NRXN3: variants seen among roughly 807,000 people sequenced by gnomAD.
NRXN3 encodes neurexin 3.
Under a neutral mutation model 137.6 loss-of-function variants are expected in NRXN3, and 32 were observed. The ratio of observed to expected loss-of-function variants is 0.23; its 90% CI spans 0.18 to 0.31. The LOEUF is 0.31. Among genes scored for constraint, NRXN3 ranks in the 10% least tolerant of loss-of-function variants. NRXN3 has a pLI of 1.00. For missense variants in NRXN3, 1,574 were observed against 2,062.5 expected (o/e 0.76, Z 4.59); for synonymous variants, 798 against 784.5 (o/e 1.02, Z -0.29).
At chr14:78,998,039 G>A (rs1239003827) in intron 15 of NRXN3, among the ~76,000 whole-genome samples, 1 of 152,156 alleles carries the variant, frequency 6.6e-6, no homozygotes, top group African/African-American at 2.4e-5. Flanking sequence ...CCTGCTCCAT[G>A]ATGCAGAAAT....
At chr14:78,958,870 A>C (rs1196833893) in intron 11 of NRXN3, among the ~76,000 whole-genome samples, 1 of 152,204 alleles carries the variant, frequency 6.6e-6, no homozygotes, top group Non-Finnish European at 1.5e-5. Flanking sequence ...CAGTGGCCTA[A>C]GCCATCTCCA....
rs896101558 is a variant in NRXN3 at position 79,160,819 on chromosome 14, G to A, written c.3262+172678G>A. On this transcript the variant is annotated intron_variant, in intron 15 of 20. Coordinates refer to ENST00000335750, the MANE Select transcript of NRXN3 (RefSeq NM_001330195.2). ...GGTAGGCTGTTGCCTCATAAGGAGGGAAGGCAGAAGCAAGTAGACAGTGGT... is the reference window on the plus strand; with the variant it reads ...GGTAGGCTGTTGCCTCATAAGGAGGAAAGGCAGAAGCAAGTAGACAGTGGT... Among the ~76,000 whole-genome samples, 26 of 151,996 alleles carry A rather than the reference G, an allele frequency of 1.7e-4. 1 individual carries two copies. The highest frequency in any genetic ancestry group is 9.7e-5 in the African/African-American group (4 of 41,426).
At chr14:79,620,852 T>G (rs2098216256) in intron 16 of NRXN3, among the ~76,000 whole-genome samples, 1 of 151,998 alleles carries the variant, frequency 6.6e-6, no homozygotes, top group Non-Finnish European at 1.5e-5. Context: ...GGAGAATGGA[T>G]GAGACCTGAA....
chr14:79,867,520 C>G lies in NRXN3; in HGVS notation c.*5556C>G, dbSNP rs2099418528. Reference sequence around the variant, plus strand: ...TTTTCTTGCTCTTCTTATAAGACCACCAGTGCTATTGGTTAAAGCCCTGCC... The same window carrying G: ...TTTTCTTGCTCTTCTTATAAGACCAGCAGTGCTATTGGTTAAAGCCCTGCC... On this transcript the variant is annotated 3_prime_UTR_variant, in exon 21 of 21. Transcript: ENST00000335750. 6.6e-6 allele frequency: 1 copy of G among 152,156 alleles called. No individual in the cohort carries two copies. The highest frequency in any genetic ancestry group is 2.4e-5 in the African/African-American group (1 of 41,418). 9.4% of individuals were successfully genotyped at this position (152,156 alleles called of 1,614,324 possible). A position where few individuals can be genotyped will look rare whatever the true frequency, so the allele number is the denominator to read the frequency against.
intron 16 of NRXN3, among the ~76,000 whole-genome samples, chr14:79,500,817 G>A (rs1441089656): frequency 6.6e-6 from 1 of 152,142 alleles, no homozygotes; most frequent in Non-Finnish European, 1.5e-5. Context: ...TACACCATCT[G>A]TGAACTTCAG....
chr14:79,672,477 T>A (rs1351206951), intron 17 of NRXN3, among the ~76,000 whole-genome samples: 1 of 152,080 alleles, frequency 6.6e-6, no homozygotes, highest in Non-Finnish European at 1.5e-5. Flanking sequence ...TTTAAAATTA[T>A]ACTTATCTGA....
At chr14:79,064,707 TATTTTTCATAATTACCC>T (rs1327807338) in intron 15 of NRXN3, among the ~76,000 whole-genome samples, 13 of 122,550 alleles carry the variant, frequency 1.1e-4, no homozygotes, top group South Asian at 5.4e-4. Flanking sequence ...TACCCATATA[TATTTTTCATAATTACCC>T]ATATATATGT....
chr14:78,680,153 C>A (rs1223909544), intron 6 of NRXN3, among the ~76,000 whole-genome samples: 1 of 152,030 alleles, frequency 6.6e-6, no homozygotes. Context: ...ACTGCATATT[C>A]TTATTTATAA....
intron 17 of NRXN3, chr14:79,669,315 C>T (rs1454349081): frequency 6.6e-6 from 1 of 152,104 alleles, no homozygotes; most frequent in Non-Finnish European, 1.5e-5. Flanking sequence ...GAAAGCCTCA[C>T]TTAATGAATG....
chr14:78,690,219 A>G (rs1458367554), intron 6 of NRXN3, among the ~76,000 whole-genome samples: 7 of 152,142 alleles, frequency 4.6e-5, no homozygotes, highest in Admixed American at 2.0e-4. Flanking sequence ...CTCTCCTCCA[A>G]CCTTCTCCCA....
chr14:79,843,113 A>G (rs1429549047), intron 20 of NRXN3, among the ~76,000 whole-genome samples: 1 of 152,126 alleles, frequency 6.6e-6, no homozygotes, highest in Non-Finnish European at 1.5e-5. Flanking sequence ...TAATGTGTCC[A>G]TCCCTTGACA....
chr14:79,488,994 G>C lies in NRXN3; in HGVS notation c.3444+21592G>C, dbSNP rs112672234. Reference sequence around the variant, plus strand: ...ATACCTTACCCATCAGTACTTTAGGGTTATAATCTATATCTTGCAGGCATG... The same window carrying C: ...ATACCTTACCCATCAGTACTTTAGGCTTATAATCTATATCTTGCAGGCATG... On this transcript the variant is annotated intron_variant, in intron 16 of 20. Coordinates refer to ENST00000335750, the MANE Select transcript of NRXN3 (RefSeq NM_001330195.2). 3.3e-5 allele frequency among the ~76,000 whole-genome samples: 5 copies of C among 152,098 alleles called. 1 individual carries two copies. The highest frequency in any genetic ancestry group is 1.2e-4 in the African/African-American group (5 of 41,478).
At chr14:78,320,625 T>C (rs527496649) in intron 4 of NRXN3, among the ~76,000 whole-genome samples, 62 of 152,306 alleles carry the variant, frequency 4.1e-4, no homozygotes, top group African/African-American at 1.5e-3. Flanking sequence ...TCCCAGTAGA[T>C]CTGACGGGAG....
intron 15 of NRXN3, among the ~76,000 whole-genome samples, chr14:79,044,978 G>A (rs2152547304): frequency 6.6e-6 from 1 of 152,056 alleles, no homozygotes; most frequent in Non-Finnish European, 1.5e-5. Flanking sequence ...GGTGTCTTTT[G>A]ATTTTATGGT....
chr14:79,421,922 C>G (rs980661872), intron 15 of NRXN3, among the ~76,000 whole-genome samples: 3 of 152,170 alleles, frequency 2.0e-5, no homozygotes, highest in African/African-American at 4.8e-5. Flanking sequence ...CTAGAGCAGT[C>G]CTTACACTAG....
rs1421504107 is a variant in NRXN3, at chr14:79,133,959, A to G, written c.3262+145818A>G. 2.0e-5 allele frequency among the ~76,000 whole-genome samples: 3 copies of G among 152,058 alleles called. No individual in the cohort carries two copies. In the East Asian group the frequency reaches 5.8e-4, roughly 29 times the overall value. ...AAAGAAAAAAAAAAAAAAGGAAAGA[A>G]AAAAGAAACTGAACAAATACGTTAT... On this transcript the variant is annotated intron_variant, in intron 15 of 20. Coordinates refer to ENST00000335750, the MANE Select transcript of NRXN3 (RefSeq NM_001330195.2).
intron 4 of NRXN3, among the ~76,000 whole-genome samples, chr14:78,426,712 T>C (rs1188409102): frequency 6.6e-6 from 1 of 152,180 alleles, no homozygotes; most frequent in Non-Finnish European, 1.5e-5. Context: ...CAGATAAGTA[T>C]GCTCCCTTCC....
At chr14:78,587,261 C>T (rs2097074119) in intron 4 of NRXN3, among the ~76,000 whole-genome samples, 1 of 152,202 alleles carries the variant, frequency 6.6e-6, no homozygotes, top group South Asian at 2.1e-4. Context: ...CCTTCTCTTG[C>T]AATTATTGCT....
intron 20 of NRXN3, among the ~76,000 whole-genome samples, chr14:79,831,624 C>T (rs1327679185): frequency 1.3e-5 from 2 of 152,148 alleles, no homozygotes; most frequent in African/African-American, 4.8e-5. Flanking sequence ...TTCGGCCCAG[C>T]TCCATCACTC....
Sources: gnomAD v4.1 joint callset for allele counts (sites outside exome capture counted in the v4.1 genomes callset) on GRCh38, gnomAD v4.1.1 for gene constraint, MANE v1.5 for transcripts, NCBI Gene and HGNC (gene_info 2026-07-23, HGNC 2026-07-21) for gene names.